CREB3L2: variants seen among roughly 807,000 people sequenced by gnomAD.
CREB3L2 encodes the protein cyclic AMP-responsive element-binding protein 3-like protein 2.
A neutral mutation model predicts 57.2 loss-of-function variants in CREB3L2; 23 were observed. The ratio of observed to expected loss-of-function variants is 0.40; its 90% CI spans 0.29 to 0.57. CREB3L2 has a LOEUF of 0.57. CREB3L2 is among the 20% of genes least tolerant of loss of function. The probability of loss-of-function intolerance (pLI) is 0.42; values close to 1 mark genes in which losing one functional copy is unlikely to be tolerated. For missense variants in CREB3L2, 628 were observed against 634.7 expected, an observed-to-expected ratio of 0.99 and a Z score of 0.11; for synonymous variants, 268 against 265.1, an observed-to-expected ratio of 1.01 and a Z score of -0.11.
intron 1 of CREB3L2, among the ~76,000 whole-genome samples, chr7:137,992,116 C>G (rs2117329421): frequency 6.6e-6 from 1 of 152,162 alleles, no homozygotes; most frequent in South Asian, 2.1e-4. Context: ...AACTCAAAAG[C>G]AGGCAATTCA....
intron 1 of CREB3L2, among the ~76,000 whole-genome samples, chr7:137,961,989 C>T (rs1403155009): frequency 6.6e-6 from 1 of 152,102 alleles, no homozygotes; most frequent in Admixed American, 6.5e-5. Flanking sequence ...TGAACCCAGC[C>T]TCCACTTCCT....
At chr7:137,960,662 T>C (rs1480275220) in intron 1 of CREB3L2, among the ~76,000 whole-genome samples, 2 of 152,170 alleles carry the variant, frequency 1.3e-5, no homozygotes, top group African/African-American at 4.8e-5. Context: ...AGGGGAACCA[T>C]CTGAAATTCA....
intron 1 of CREB3L2, among the ~76,000 whole-genome samples, chr7:137,951,476 C>T (rs1277016034): frequency 6.6e-6 from 1 of 152,184 alleles, no homozygotes; most frequent in Non-Finnish European, 1.5e-5. Context: ...TCCTCTATTT[C>T]CCTTAGCAGC....
chr7:137,889,260 A>C (rs372342468), intron 8 of CREB3L2, among the ~76,000 whole-genome samples: 21 of 152,316 alleles, frequency 1.4e-4, no homozygotes, highest in East Asian at 7.7e-4. Flanking sequence ...CACTGAAAGA[A>C]TATCTTAGGC....
chr7:137,982,447 T>G (rs1585675511), intron 1 of CREB3L2, among the ~76,000 whole-genome samples: 1 of 151,896 alleles, frequency 6.6e-6, no homozygotes, highest in South Asian at 2.1e-4. Flanking sequence ...CATCTTGAAT[T>G]TAGCTCCCGC....
At chr7:137,977,560 T>C (rs1801629824) in intron 1 of CREB3L2, among the ~76,000 whole-genome samples, 1 of 152,022 alleles carries the variant, frequency 6.6e-6, no homozygotes, top group Non-Finnish European at 1.5e-5. Flanking sequence ...AGGCAATAAA[T>C]GACAGATAGA....
chr7:137,895,981 C>A (rs1452678628), intron 8 of CREB3L2, among the ~76,000 whole-genome samples: 1 of 152,196 alleles, frequency 6.6e-6, no homozygotes, highest in Non-Finnish European at 1.5e-5. Context: ...GGTGTGCATT[C>A]CCCAGCCCAG....
chr7:137,942,359 C>G (rs1188327212), intron 1 of CREB3L2, among the ~76,000 whole-genome samples: 2 of 152,216 alleles, frequency 1.3e-5, no homozygotes, highest in Non-Finnish European at 2.9e-5. Context: ...CTTCTGCCCT[C>G]AGGCGGATCT....
In CREB3L2 at chr7:137,912,810, G is replaced by A. The variant is rs566878941; in HGVS notation, c.583+181C>T. The stretch of plus-strand genomic sequence containing the variant: ...CACGTGCATATATGGGAAAATAATA[G>A]TTAGCTTGCAAAATTTTTATTTGGA... On this transcript the variant is annotated intron_variant, in intron 4 of 11. Coordinates refer to ENST00000330387, the MANE Select transcript of CREB3L2 (RefSeq NM_194071.4). The A allele has an allele frequency of 8.0e-6, 12 of 1,500,322 alleles. No homozygotes were observed. The South Asian group carries it at 1.1e-4, about 14-fold the overall frequency. 92.9% of individuals were successfully genotyped at this position (1,500,322 alleles called of 1,614,324 possible). A position where few individuals can be genotyped will look rare whatever the true frequency, so the allele number is the denominator to read the frequency against.
At chr7:137,890,958 T>G (rs1408089331) in intron 8 of CREB3L2, among the ~76,000 whole-genome samples, 1 of 152,236 alleles carries the variant, frequency 6.6e-6, no homozygotes, top group Non-Finnish European at 1.5e-5. Flanking sequence ...TTCCTCTTTA[T>G]TATTGTATTT....
At chr7:137,897,114 A>T (rs748705900) in intron 8 of CREB3L2, among the ~76,000 whole-genome samples, 6 of 152,228 alleles carry the variant, frequency 3.9e-5, no homozygotes, top group Non-Finnish European at 8.8e-5. Flanking sequence ...AAGAAAAAAA[A>T]GGTAATTATG....
chr7:137,981,400 T>C (rs1472241819), intron 1 of CREB3L2, among the ~76,000 whole-genome samples: 2 of 152,192 alleles, frequency 1.3e-5, no homozygotes, highest in Non-Finnish European at 2.9e-5. Context: ...TAAAAAGGAC[T>C]GAAGTGACTT....
intron 8 of CREB3L2, among the ~76,000 whole-genome samples, chr7:137,897,682 G>A (rs1799656461): frequency 6.6e-6 from 1 of 152,108 alleles, no homozygotes; most frequent in African/African-American, 2.4e-5. Flanking sequence ...TATTTTTAAT[G>A]GTGAGTCAAA....
At chr7:137,912,735 A>T in intron 4 of CREB3L2, 1 of 1,049,896 alleles carries the variant, frequency 9.5e-7, no homozygotes, top group South Asian at 1.6e-5. Context: ...TTTGAAAAAT[A>T]TCACCCTGGT....
chr7:137,916,760 G>A (rs1488909028), intron 2 of CREB3L2, among the ~76,000 whole-genome samples: 3 of 151,952 alleles, frequency 2.0e-5, no homozygotes, highest in East Asian at 1.9e-4. Context: ...GAGGGGGAGC[G>A]AGAGAAAGCA....
chr7:137,960,059 A>C (rs1043362867), intron 1 of CREB3L2, among the ~76,000 whole-genome samples: 1 of 152,206 alleles, frequency 6.6e-6, no homozygotes, highest in Non-Finnish European at 1.5e-5. Context: ...GCACTTTACT[A>C]GGTGCTTTTA....
rs1799240293 is a variant in CREB3L2 at position 137,879,533 on chromosome 7, C to T, written c.*943G>A. 1.6e-5 allele frequency: 4 copies of T among 246,066 alleles called. No individual in the cohort carries two copies. In the South Asian group the frequency reaches 5.0e-4, roughly 31 times the overall value. The allele number at this position is 246,066 out of a possible 1,614,324, so 15.2% of individuals were successfully genotyped here. A position where few individuals can be genotyped will look rare whatever the true frequency, so the allele number is the denominator to read the frequency against. ...CATCCTAGAGGCAGACACATACATG[C>T]TCAAAGGAACTTCTTTTTCAATGGT... On this transcript the variant is annotated 3_prime_UTR_variant, in exon 12 of 12. Transcript: ENST00000330387.
intron 2 of CREB3L2, 145 bp from the exon 3 acceptor site, chr7:137,916,157 A>G: frequency 1.7e-6 from 1 of 602,318 alleles, no homozygotes; most frequent in Non-Finnish European, 2.8e-6. Flanking sequence ...TATGTGAGGG[A>G]AAAGATTGAT....
At chr7:137,986,056 C>T (rs1043871807) in intron 1 of CREB3L2, among the ~76,000 whole-genome samples, 2 of 152,114 alleles carry the variant, frequency 1.3e-5, no homozygotes, top group African/African-American at 4.8e-5. Context: ...CGGCCACAAA[C>T]CAGACATAGT....
Sources: allele counts gnomAD v4.1 joint callset (sites outside exome capture counted in the v4.1 genomes callset), GRCh38; gene constraint gnomAD v4.1.1; transcripts MANE v1.5; gene names NCBI Gene and HGNC (gene_info 2026-07-23, HGNC 2026-07-21).